PIK3C2G: variants seen among roughly 807,000 people sequenced by gnomAD.
PIK3C2G encodes phosphatidylinositol-4-phosphate 3-kinase catalytic subunit type 2 gamma.
In PIK3C2G, 168 loss-of-function variants were observed where a neutral mutation model predicts 181.1. The ratio of observed to expected loss-of-function variants is 0.93; its 90% CI spans 0.82 to 1.05. PIK3C2G has a LOEUF of 1.05. PIK3C2G is among the 50% of genes least tolerant of loss of function. The pLI, the probability that PIK3C2G is intolerant of heterozygous loss-of-function variation, is 0.00. For missense variants in PIK3C2G, 1,869 were observed against 1,732.8 expected (o/e 1.08, Z -1.40); for synonymous variants, 573 against 592.2 (o/e 0.97, Z 0.47).
chr12:18,652,347 G>A (rs949137849), downstream of PIK3C2G, among the ~76,000 whole-genome samples: 1 of 152,034 alleles, frequency 6.6e-6, no homozygotes, highest in African/African-American at 2.4e-5. Context: ...AAACATGAAG[G>A]TGAATATTAG....
intron 18 of PIK3C2G, among the ~76,000 whole-genome samples, chr12:18,468,338 A>C (rs1322669897): frequency 2.0e-5 from 3 of 152,008 alleles, no homozygotes; most frequent in Non-Finnish European, 4.4e-5. Context: ...TCACAGGATC[A>C]AATGTTCTGG....
chr12:18,583,130 T>A (rs1946587173), intron 29 of PIK3C2G, among the ~76,000 whole-genome samples: 1 of 151,976 alleles, frequency 6.6e-6, no homozygotes, highest in African/African-American at 2.4e-5. Context: ...CTGGGCAGAA[T>A]CTCCTGACTG....
intron 5 of PIK3C2G, among the ~76,000 whole-genome samples, chr12:18,306,808 C>A (rs1591898540): frequency 6.6e-6 from 1 of 151,852 alleles, no homozygotes; most frequent in African/African-American, 2.4e-5. Context: ...TAAAGAAATA[C>A]CTTCAGAAGC....
intron 18 of PIK3C2G, among the ~76,000 whole-genome samples, chr12:18,455,227 G>A (rs1378224323): frequency 6.6e-6 from 1 of 151,996 alleles, no homozygotes; most frequent in Non-Finnish European, 1.5e-5. Context: ...GGAAGAAATC[G>A]CTAGGTCCAG....
chr12:18,530,617 C>T (rs1406685078), intron 24 of PIK3C2G, among the ~76,000 whole-genome samples: 2 of 152,156 alleles, frequency 1.3e-5, no homozygotes, highest in African/African-American at 2.4e-5. Flanking sequence ...TGCGTGCCCA[C>T]CCAAATCTCA....
intron 2 of PIK3C2G, among the ~76,000 whole-genome samples, chr12:18,285,953 GAAAC>G (rs2137152840): frequency 6.6e-6 from 1 of 151,728 alleles, no homozygotes; most frequent in East Asian, 1.9e-4. Context: ...AGGGACACAA[GAAAC>G]AAAGGCAGAG....
intron 5 of PIK3C2G, among the ~76,000 whole-genome samples, chr12:18,304,130 C>T (rs1950321727): frequency 6.6e-6 from 1 of 152,042 alleles, no homozygotes; most frequent in Non-Finnish European, 1.5e-5. Context: ...CGATGCATTC[C>T]TTTTATTAGA....
At position 18,352,783 on chromosome 12, in the gene PIK3C2G, G is replaced by A. The variant is rs1019962417; in HGVS notation, c.1625+5947G>A. ...CTTCTTCTGGAGTTCAGCCATTCCT[G>A]GCCAAACTCTTCTTTGAGATCCCGC... On this transcript the variant is annotated intron_variant, in intron 11 of 32. Coordinates refer to ENST00000538779, the MANE Select transcript of PIK3C2G (RefSeq NM_001288772.2). Among the ~76,000 whole-genome samples the A allele has an allele frequency of 2.0e-5, 3 of 152,132 alleles. No homozygotes were observed. In the East Asian group the frequency reaches 5.8e-4, roughly 29 times the overall value.
At position 18,641,743 on chromosome 12, in the gene PIK3C2G, C is replaced by CTTTTTTTTTT. The variant is rs11285609; in HGVS notation, c.4308+1200_4308+1209dup. Among the ~76,000 whole-genome samples, 31 of 93,178 alleles carry CTTTTTTTTTT rather than the reference C, an allele frequency of 3.3e-4. 2 individuals are homozygous for CTTTTTTTTTT. The highest frequency in any genetic ancestry group is 1.4e-3 in the African/African-American group (28 of 20,346). 61.1% of individuals were successfully genotyped at this position (93,178 alleles called of 152,430 possible). A position where few individuals can be genotyped will look rare whatever the true frequency, so the allele number is the denominator to read the frequency against. ...AAAACCCTGGCTTCTCTCTCTCAAG[C>CTTTTTTTTTT]TTTTTTTTTTTTTTTTTTTTGAGAT... On this transcript the variant is annotated intron_variant, in intron 32 of 32. Coordinates refer to ENST00000538779, the MANE Select transcript of PIK3C2G (RefSeq NM_001288772.2).
At chr12:18,274,288 C>A (rs1948878858) in intron 1 of PIK3C2G, among the ~76,000 whole-genome samples, 1 of 152,176 alleles carries the variant, frequency 6.6e-6, no homozygotes, top group Admixed American at 6.5e-5. Context: ...TTTGACCCAG[C>A]CATCCCATTA....
At chr12:18,442,203 T>C (rs1035762918) in intron 18 of PIK3C2G, among the ~76,000 whole-genome samples, 3 of 139,084 alleles carry the variant, frequency 2.2e-5, no homozygotes, top group Non-Finnish European at 3.1e-5. Context: ...CTATAGCTTT[T>C]CTCTAACTGA....
At chr12:18,708,613 A>G in the PIK3C2G span, among the ~76,000 whole-genome samples, 2 of 152,138 alleles carry the variant, frequency 1.3e-5, no homozygotes, top group Non-Finnish European at 2.9e-5. Context: ...GTACCAATCT[A>G]CATTTCCATC....
Position 18,451,501 on chromosome 12 carries a change from A to G in PIK3C2G, c.2504+27462A>G, listed in dbSNP as rs184873728. Reference sequence around the variant, plus strand: ...GCTCACACAATGGGGTTTTCTAAATATAATCATGTCATCTGCAAACAGAGA... The same window carrying G: ...GCTCACACAATGGGGTTTTCTAAATGTAATCATGTCATCTGCAAACAGAGA... On this transcript the variant is annotated intron_variant, in intron 18 of 32. Coordinates refer to ENST00000538779, the MANE Select transcript of PIK3C2G (RefSeq NM_001288772.2). Among the ~76,000 whole-genome samples the G allele has an allele frequency of 1.6e-4, 25 of 152,328 alleles. No homozygotes were observed. In the East Asian group the frequency reaches 4.1e-3, roughly 25 times the overall value.
At chr12:18,662,211 A>G in the PIK3C2G span, among the ~76,000 whole-genome samples, 1 of 152,100 alleles carries the variant, frequency 6.6e-6, no homozygotes, top group Non-Finnish European at 1.5e-5. Flanking sequence ...TAGCATAGGC[A>G]CTATGCTCAT....
rs1049220269 is a variant in PIK3C2G at position 18,309,531 on chromosome 12, T to C, written c.1035-4431T>C. 4.6e-5 allele frequency among the ~76,000 whole-genome samples: 7 copies of C among 151,760 alleles called. No individual in the cohort carries two copies. In the South Asian group the frequency reaches 1.0e-3, roughly 22 times the overall value. Reference sequence around the variant, plus strand: ...CCTGTAATTCTCTCATGTAATAAAATTGTTTCATGAAAAAAGTTACTTCTT... The same window carrying C: ...CCTGTAATTCTCTCATGTAATAAAACTGTTTCATGAAAAAAGTTACTTCTT... On this transcript the variant is annotated intron_variant, in intron 5 of 32. Transcript: ENST00000538779.
chr12:18,495,899 G>T (rs1166845930), intron 20 of PIK3C2G, among the ~76,000 whole-genome samples, 163 bp from the exon 21 acceptor site: 1 of 152,006 alleles, frequency 6.6e-6, no homozygotes, highest in Non-Finnish European at 1.5e-5. Context: ...TTTAAAATTT[G>T]TATGTTTCTG....
At chr12:18,648,564 T>C (rs1038821360), downstream of PIK3C2G, 13 of 167,266 alleles carry the variant, frequency 7.8e-5, no homozygotes, top group South Asian at 2.4e-3. Context: ...ATCCTGAAAT[T>C]CTTACATTCA....
At chr12:18,300,681 C>T (rs547593392) in intron 5 of PIK3C2G, among the ~76,000 whole-genome samples, 3 of 152,062 alleles carry the variant, frequency 2.0e-5, no homozygotes, top group African/African-American at 7.2e-5. Flanking sequence ...TTATGTATAT[C>T]TTTTGTTCCT....
intron 14 of PIK3C2G, among the ~76,000 whole-genome samples, chr12:18,388,361 C>T (rs1252032640): frequency 6.6e-6 from 1 of 152,194 alleles, no homozygotes; most frequent in Non-Finnish European, 1.5e-5. Flanking sequence ...ACCTCCACCT[C>T]CATGGTTCAA....
Sources: allele counts gnomAD v4.1 joint callset (sites outside exome capture counted in the v4.1 genomes callset), GRCh38; gene constraint gnomAD v4.1.1; transcripts MANE v1.5; gene names NCBI Gene and HGNC (gene_info 2026-07-23, HGNC 2026-07-21).